The following RGS5 variants were observed in gnomAD, a reference collection of about 807,000 sequenced individuals.
The protein encoded by RGS5 is regulator of G protein signaling 5, also known as regulator of G-protein signalling 5.
A neutral mutation model predicts 18.9 loss-of-function variants in RGS5; 20 were observed. The ratio of observed to expected loss-of-function variants is 1.06; its 90% CI spans 0.74 to 1.54. The LOEUF is 1.54. RGS5 is among the 40% of genes most tolerant of loss of function. The pLI is 0.00. For synonymous variants in RGS5, 57 were observed against 76.2 expected (o/e 0.75, Z 1.31); for missense variants, 201 against 211.8 (o/e 0.95, Z 0.32).
intron 2 of RGS5, among the ~76,000 whole-genome samples, chr1:163,294,379 G>A (rs1180026029): frequency 6.6e-6 from 1 of 152,256 alleles, no homozygotes; most frequent in Non-Finnish European, 1.5e-5. Flanking sequence ...TGGGGCTTAC[G>A]CCGTTACGCC....
rs148515629 is a variant in RGS5 at position 163,235,806 on chromosome 1, A to T, written c.-280-67438T>A. On this transcript the variant is annotated intron_variant, in intron 2 of 5. Transcript: ENST00000618415. ...AAACTTTGTGAGCTTTCTATTATCTATCAGGTTATAGTTCATTTTACAAGA... is the reference window on the plus strand; with the variant it reads ...AAACTTTGTGAGCTTTCTATTATCTTTCAGGTTATAGTTCATTTTACAAGA... 3.7e-3 allele frequency among the ~76,000 whole-genome samples: 566 copies of T among 152,334 alleles called. 3 individuals carry two copies. Among genetic ancestry groups the T allele is most frequent in the Non-Finnish European group, 5.4e-3 (367 of 68,034 alleles).
intron 1 of RGS5, among the ~76,000 whole-genome samples, chr1:163,185,484 T>C (rs1050803104): frequency 6.6e-6 from 1 of 152,184 alleles, no homozygotes; most frequent in South Asian, 2.1e-4. Flanking sequence ...AAGAGTCCAG[T>C]TATCCTCTCA....
chr1:163,188,951 C>CAAAAAAA (rs34767004), intron 1 of RGS5, among the ~76,000 whole-genome samples: 1 of 77,642 alleles, frequency 1.3e-5, no homozygotes, highest in African/African-American at 4.9e-5. Flanking sequence ...GACCCCATCT[C>CAAAAAAA]AAAAAAAAAA....
intron 3 of RGS5, among the ~76,000 whole-genome samples, chr1:163,157,532 T>C (rs373658723): frequency 2.1e-4 from 32 of 152,174 alleles, no homozygotes; most frequent in Middle Eastern, 3.2e-3. Context: ...TTAACTTCAT[T>C]GCCACTCAAT....
intron 2 of RGS5, among the ~76,000 whole-genome samples, chr1:163,257,034 A>AT (rs543687799): frequency 1.5e-3 from 235 of 152,214 alleles, no homozygotes; most frequent in African/African-American, 5.3e-3. Flanking sequence ...CAGCACATAT[A>AT]TTTTTTGAGG....
chr1:163,163,284 G>T (rs1657890075), intron 2 of RGS5, among the ~76,000 whole-genome samples: 2 of 152,252 alleles, frequency 1.3e-5, no homozygotes, highest in South Asian at 4.1e-4. Flanking sequence ...ACTTTCATGT[G>T]TTCACTCTTT....
At chr1:163,162,009 G>A (rs1407337484) in intron 2 of RGS5, 33 bp from the exon 3 acceptor site, 2 of 1,487,828 alleles carry the variant, frequency 1.3e-6, no homozygotes, top group Non-Finnish European at 1.9e-6. Flanking sequence ...AAAGGGGTAT[G>A]GCGTAAGTAG....
At chr1:163,252,579 C>T (rs1002284542) in intron 2 of RGS5, among the ~76,000 whole-genome samples, 5 of 152,166 alleles carry the variant, frequency 3.3e-5, no homozygotes, top group Non-Finnish European at 7.3e-5. Flanking sequence ...TTACTCCCAA[C>T]ATCAAGTGTT....
intron 2 of RGS5, among the ~76,000 whole-genome samples, chr1:163,290,179 T>A (rs1256980015): frequency 5.3e-5 from 8 of 152,130 alleles, no homozygotes; most frequent in Admixed American, 5.2e-4. Flanking sequence ...GGCTCCTCTA[T>A]AAAACCCCAC....
chr1:163,223,379 A>G (rs1286823844), intron 2 of RGS5, among the ~76,000 whole-genome samples: 1 of 152,216 alleles, frequency 6.6e-6, no homozygotes, highest in Non-Finnish European at 1.5e-5. Context: ...TAGGGTACAG[A>G]TATAGTTCAA....
rs1375690722 is a variant in RGS5, at chr1:163,143,692, A to G, written c.*3650T>C. 1 of 151,952 alleles carries G rather than the reference A, an allele frequency of 6.6e-6. No homozygotes were observed. 9.4% of individuals were successfully genotyped at this position (151,952 alleles called of 1,614,324 possible). ...GACTATTCTCTCCTAAACTTGCTAAACTCCCAGGAAAAAGGGAAAATGGCC... is the reference window on the plus strand; with the variant it reads ...GACTATTCTCTCCTAAACTTGCTAAGCTCCCAGGAAAAAGGGAAAATGGCC... On this transcript the variant is annotated 3_prime_UTR_variant, in exon 5 of 5. Coordinates refer to ENST00000313961, the MANE Select transcript of RGS5 (RefSeq NM_003617.4).
At chr1:163,186,567 A>G in intron 1 of RGS5, among the ~76,000 whole-genome samples, 1 of 127,438 alleles carries the variant, frequency 7.8e-6, no homozygotes, top group East Asian at 2.5e-4. Flanking sequence ...CGACAGAGCG[A>G]GACTCTGTCT....
At chr1:163,291,287 G>T (rs1438994220) in intron 2 of RGS5, among the ~76,000 whole-genome samples, 1 of 152,138 alleles carries the variant, frequency 6.6e-6, no homozygotes, top group African/African-American at 2.4e-5. Context: ...GGGCAGGGGG[G>T]TATCTATCTA....
intron 3 of RGS5, among the ~76,000 whole-genome samples, chr1:163,159,079 G>A (rs1031192669): frequency 5.3e-5 from 8 of 152,280 alleles, no homozygotes; most frequent in South Asian, 2.1e-4. Flanking sequence ...CCGGCTCACC[G>A]GCAGTCAGAG....
intron 1 of RGS5, among the ~76,000 whole-genome samples, chr1:163,309,948 T>A (rs572136214): frequency 1.3e-5 from 2 of 152,312 alleles, no homozygotes; most frequent in South Asian, 4.1e-4. Flanking sequence ...TTAATCTCCT[T>A]GTAAATCTCA....
intron 1 of RGS5, among the ~76,000 whole-genome samples, chr1:163,193,157 T>C (rs1659426457): frequency 6.6e-6 from 1 of 152,178 alleles, no homozygotes; most frequent in African/African-American, 2.4e-5. Context: ...ATAGTTCCAA[T>C]GTCTTTCTAG....
At chr1:163,230,375 CA>C (rs1214623265) in intron 2 of RGS5, among the ~76,000 whole-genome samples, 1 of 150,268 alleles carries the variant, frequency 6.7e-6, no homozygotes, top group Non-Finnish European at 1.5e-5. Context: ...TTAGCCAGGC[CA>C]AAAAAAGAAA....
chr1:163,231,472 C>A (rs1319503492), intron 2 of RGS5, among the ~76,000 whole-genome samples: 2 of 152,082 alleles, frequency 1.3e-5, no homozygotes, highest in Non-Finnish European at 2.9e-5. Context: ...TTAGCTTTTG[C>A]GATCCCCAGA....
At chr1:163,305,077 T>G (rs1303779560) in intron 2 of RGS5, 2 of 152,240 alleles carry the variant, frequency 1.3e-5, no homozygotes, top group Non-Finnish European at 2.9e-5. Flanking sequence ...ATTTGTCTAG[T>G]TTAAAACAGA....
Sources: allele counts gnomAD v4.1 joint callset (sites outside exome capture counted in the v4.1 genomes callset), GRCh38; gene constraint gnomAD v4.1.1; transcripts MANE v1.5; gene names NCBI Gene and HGNC (gene_info 2026-07-23, HGNC 2026-07-21).